Variants in CD101 observed in about 807,000 individuals in gnomAD.
The protein encoded by CD101 is CD101 molecule.
In CD101, 76 loss-of-function variants were observed where a neutral mutation model predicts 98.2. That is an observed-to-expected ratio of 0.77 (90% confidence interval 0.64 to 0.94). CD101 has a LOEUF of 0.94. Among genes scored for constraint, CD101 ranks in the 40% least tolerant of loss-of-function variants. CD101 has a pLI of 0.00. For synonymous variants in CD101, 471 were observed against 472.7 expected, an observed-to-expected ratio of 1.00 and a Z score of 0.05; for missense variants, 1,145 against 1,218.8, an observed-to-expected ratio of 0.94 and a Z score of 0.90.
At chr1:117,008,532 C>A (rs1478809600) in intron 1 of CD101, among the ~76,000 whole-genome samples, 1 of 152,064 alleles carries the variant, frequency 6.6e-6, no homozygotes, top group Non-Finnish European at 1.5e-5. Flanking sequence ...TGGTTGGTTT[C>A]CCAGTTTTAG....
Position 117,011,654 on chromosome 1 carries a change from C to G in CD101, c.529C>G (p.His177Asp). ...TCEASKATAQ[H>D]THLSVTWYLT... is the part of the protein sequence containing the mutation. ...TGAGGCATCCAAAGCCACAGCCCAA[C>G]ATACTCACCTCTCTGTCACCTGGTA... is the stretch of plus-strand genomic sequence containing the variant. Residue 177 changes from histidine (H) to aspartate (D), a missense_variant, in exon 3 of 10, where the codon CAT (histidine) becomes GAT (aspartate). By Grantham distance (81) the His-to-Asp change is moderately conservative. Coordinates refer to ENST00000682167, the MANE Select transcript of CD101 (RefSeq NM_001256106.3). The G allele has an allele frequency of 6.2e-7, 1 of 1,614,202 alleles. No homozygotes were observed. Among genetic ancestry groups the G allele is most frequent in the South Asian group, 1.1e-5 (1 of 91,070 alleles).
At chr1:117,025,469 A>C (rs781349303) in intron 7 of CD101, 40 bp from the exon 8 acceptor site, 4 of 1,492,728 alleles carry the variant, frequency 2.7e-6, no homozygotes, top group Non-Finnish European at 3.6e-6. Flanking sequence ...CCAAATCTGA[A>C]AGTCTGCATT....
At chr1:117,001,984 C>A in intron 1 of CD101, 124 bp downstream of exon 1, 1 of 902,514 alleles carries the variant, frequency 1.1e-6, no homozygotes, top group Non-Finnish European at 1.7e-6. Flanking sequence ...CTGATGTTAG[C>A]AATAATTTTT....
rs1570733030 is a variant in CD101, at chr1:117,021,952, A to C, written c.2397A>C (p.Ser799=). The C allele has an allele frequency of 1.2e-6, 2 of 1,609,558 alleles. No homozygotes were observed. Among genetic ancestry groups the C allele is most frequent in the Non-Finnish European group, 1.7e-6 (2 of 1,178,402 alleles). Residue 799 remains serine (S), a synonymous_variant, in exon 7 of 10, where the codon TCA becomes TCC. Coordinates refer to ENST00000682167, the MANE Select transcript of CD101 (RefSeq NM_001256106.3). The surrounding 1 kb of genome is among the most constrained non-coding windows in gnomAD (Gnocchi z 4.7). ...GGCACAAGCTTGGAGAAAAGAAGTC[A>C]GGACTAACAGAATTGAAACTCAAGC... is the stretch of plus-strand genomic sequence containing the variant. The part of the protein sequence containing the change: ...GTWHKLGEKK[S]GLTELKLKPT...
At chr1:117,015,162 A>C (rs1653129955) in intron 4 of CD101, among the ~76,000 whole-genome samples, 1 of 152,206 alleles carries the variant, frequency 6.6e-6, no homozygotes, top group African/African-American at 2.4e-5. Context: ...TTATTAGCAA[A>C]TTTATTAAGG....
intron 8 of CD101, among the ~76,000 whole-genome samples, chr1:117,027,047 A>T (rs1653984967): frequency 6.6e-6 from 1 of 152,224 alleles, no homozygotes. Context: ...CTATGAAATC[A>T]TACGCTGGTT....
At chr1:117,026,878 T>C (rs545715492) in intron 8 of CD101, 21 of 152,282 alleles carry the variant, frequency 1.4e-4, no homozygotes, top group African/African-American at 5.1e-4. Flanking sequence ...TAATTAATGT[T>C]GAGGATTTCC....
chr1:117,028,937 A>C (rs1298100920), intron 8 of CD101, among the ~76,000 whole-genome samples: 1 of 151,716 alleles, frequency 6.6e-6, no homozygotes, highest in African/African-American at 2.4e-5. Flanking sequence ...AAAAGTTGTC[A>C]AAAAAAAGTG....
Position 117,021,907 on chromosome 1 carries a change from C to T in CD101, c.2352C>T (p.Leu784=). The change falls in exon 7 of 10, where the codon CTC becomes CTT. Residue 784 remains leucine (L), a synonymous_variant. Coordinates refer to ENST00000682167, the MANE Select transcript of CD101 (RefSeq NM_001256106.3). This position sits in a 1 kb window ranked among gnomAD's most constrained non-coding sequence, Gnocchi z 4.7. ...GKYHCAVEEW[L]LSTNGTWHKL... ...ATCACTGTGCTGTGGAGGAATGGCTCCTGTCTACAAATGGCACTTGGCACA... is the reference window on the plus strand; with the variant it reads ...ATCACTGTGCTGTGGAGGAATGGCTTCTGTCTACAAATGGCACTTGGCACA... 1 of 1,614,058 alleles carries T rather than the reference C, an allele frequency of 6.2e-7. No individual in the cohort carries two copies. Among genetic ancestry groups the T allele is most frequent in the Non-Finnish European group, 8.5e-7 (1 of 1,179,996 alleles).
At position 117,004,874 on chromosome 1, in the gene CD101, G is replaced by A. The variant is rs139667624; in HGVS notation, c.43+3014G>A. ...AAAAGTACCATAAACTGGGGCGGGT[G>A]GGGGAGGGGGGCTTATAAACAACAG... is the stretch of plus-strand genomic sequence containing the variant. On this transcript the variant is annotated intron_variant, in intron 1 of 9. Transcript: ENST00000682167. The surrounding 1 kb of genome is among the most constrained non-coding windows in gnomAD (Gnocchi z 4.1). 2.3e-3 allele frequency among the ~76,000 whole-genome samples: 343 copies of A among 151,974 alleles called. 3 individuals carry two copies. Among genetic ancestry groups the A allele is most frequent in the South Asian group, 3.3e-3 (16 of 4,794 alleles).
At chr1:117,031,663 A>C (rs1654476502) in intron 8 of CD101, among the ~76,000 whole-genome samples, 1 of 152,180 alleles carries the variant, frequency 6.6e-6, no homozygotes, top group Non-Finnish European at 1.5e-5. Flanking sequence ...ATTCTAGCTA[A>C]TATTTATTGC....
intron 8 of CD101, among the ~76,000 whole-genome samples, chr1:117,027,028 C>A (rs1330158061): frequency 6.6e-6 from 1 of 152,152 alleles, no homozygotes; most frequent in Non-Finnish European, 1.5e-5. Context: ...GCTCTACTAC[C>A]AATACCAGCT....
Position 117,010,128 on chromosome 1 carries a change from A to G in CD101, c.322A>G (p.Ile108Val). Residue 108 changes from isoleucine (I) to valine (V), a missense_variant, in exon 2 of 10, where the codon ATC becomes GTC. Ile to Val is a conservative substitution (Grantham distance 29). Coordinates refer to ENST00000682167, the MANE Select transcript of CD101 (RefSeq NM_001256106.3). This position sits in a 1 kb window ranked among gnomAD's most constrained non-coding sequence, Gnocchi z 5.2. ...CCAGGGCAACTCAGTCTTGTTGCAC[A>G]TCTCAAAACTCCAGATGAAGGATGC... Reference protein sequence around the residue: ...RVQGNSVLLHISKLQMKDAGE... With the variant: ...RVQGNSVLLHVSKLQMKDAGE... The G allele has an allele frequency of 1.2e-6, 2 of 1,614,240 alleles. No individual in the cohort carries two copies. Among genetic ancestry groups the G allele is most frequent in the East Asian group, 2.2e-5 (1 of 44,886 alleles).
In CD101 at chr1:117,017,416, A is replaced by G; in HGVS notation, c.1555A>G (p.Asn519Asp). ...GTGCAGAGTATCTGAGAAGTCTCGG[A>G]ACCAGGCCAGAGATCTGAGCTGGAC... ...YECRVSEKSR[N>D]QARDLSWTQK... The change falls in exon 5 of 10, where the codon AAC (asparagine) becomes GAC (aspartate). Residue 519 changes from asparagine to aspartate, a missense_variant. By Grantham distance (23) the Asn-to-Asp change is conservative (BLOSUM62 1). Transcript: ENST00000682167. 2 of 1,614,228 alleles carry G rather than the reference A, an allele frequency of 1.2e-6. No homozygotes were observed. The highest frequency in any genetic ancestry group is 2.2e-5 in the South Asian group (2 of 91,086).
intron 8 of CD101, chr1:117,032,349 A>G (rs559450866): frequency 9.8e-5 from 15 of 152,314 alleles, no homozygotes; most frequent in Non-Finnish European, 1.8e-4. Flanking sequence ...GTGAACAAAG[A>G]GTTGAGGAAG....
chr1:117,027,445 G>A (rs2101150940), intron 8 of CD101, among the ~76,000 whole-genome samples: 1 of 152,280 alleles, frequency 6.6e-6, no homozygotes, highest in East Asian at 1.9e-4. Context: ...TGCTAGGTAG[G>A]GAGATGATCT....
Position 117,013,424 on chromosome 1 carries a change from A to G in CD101, c.860A>G (p.Asn287Ser), listed in dbSNP as rs141733979. The G allele has an allele frequency of 3.7e-6, 6 of 1,608,234 alleles. No individual in the cohort carries two copies. Among genetic ancestry groups the G allele is most frequent in the African/African-American group, 1.3e-5 (1 of 74,698 alleles). The change falls in exon 4 of 10, where the codon AAC becomes AGC. Residue 287 changes from asparagine (N) to serine (S), a missense_variant. Transcript: ENST00000682167. Reference protein sequence around the residue: ...IQPAVKDFQVNITADSLFAEG... With the variant: ...IQPAVKDFQVSITADSLFAEG... ...TTCCCAGTGAAAGATTTTCAAGTCAACATTACAGCTGACAGCTTGTTTGCT... is the reference window on the plus strand; with the variant it reads ...TTCCCAGTGAAAGATTTTCAAGTCAGCATTACAGCTGACAGCTTGTTTGCT...
At chr1:117,001,912 A>C in intron 1 of CD101, 52 bp downstream of exon 1, 1 of 1,545,912 alleles carries the variant, frequency 6.5e-7, no homozygotes. Context: ...TCATCAACTC[A>C]GGGTGCTGAG....
Position 117,018,933 on chromosome 1 carries a change from A to G in CD101, c.2017+373A>G, listed in dbSNP as rs146959834. ...AGTCACTGTCCAGGCCTTACCAGTT[A>G]GTAAACATTTGCAGTGTCTCTGCTA... On this transcript the variant is annotated intron_variant, in intron 6 of 9. Coordinates refer to ENST00000682167, the MANE Select transcript of CD101 (RefSeq NM_001256106.3). The surrounding 1 kb of genome is among the most constrained non-coding windows in gnomAD (Gnocchi z 4.3). Among the ~76,000 whole-genome samples, 2 of 152,352 alleles carry G rather than the reference A, an allele frequency of 1.3e-5. No homozygotes were observed. The highest frequency in any genetic ancestry group is 4.8e-5 in the African/African-American group (2 of 41,588).
Sources: allele counts gnomAD v4.1 joint callset (sites outside exome capture counted in the v4.1 genomes callset), GRCh38; gene constraint gnomAD v4.1.1; non-coding constraint Gnocchi (gnomAD v3.1); transcripts MANE v1.5; gene names NCBI Gene and HGNC (gene_info 2026-07-23, HGNC 2026-07-21).